The following TRIM67 variants were observed in gnomAD, a reference collection of about 807,000 sequenced individuals.
TRIM67 encodes the protein tripartite motif-containing protein 67.
Under a neutral mutation model 71.0 loss-of-function variants are expected in TRIM67, and 39 were observed. That is an observed-to-expected ratio of 0.55 (90% confidence interval 0.43 to 0.72). The LOEUF (loss-of-function observed/expected upper bound fraction) is 0.72. TRIM67 is among the 30% of genes least tolerant of loss of function. TRIM67 has a pLI of 0.00. For synonymous variants in TRIM67, 481 were observed against 473.9 expected (o/e 1.01, Z -0.19); for missense variants, 973 against 1,079.2 (o/e 0.90, Z 1.38).
rs752529398 is a variant in TRIM67, at chr1:231,163,173, G to A, written c.204G>A (p.Glu68=). ...GCGCCGCCGCCGCTGCCTCTCTGGA[G>A]CACGACGCTGCGGCTGGCCCGGCCT... The part of the protein sequence containing the change: ...QAGAAAAASL[E]HDAAAGPACG... Residue 68 remains glutamate (E), a synonymous_variant, in exon 1 of 10, where the codon GAG becomes GAA. Transcript: ENST00000366653. The A allele has an allele frequency of 6.7e-7, 1 of 1,498,220 alleles. No individual in the cohort carries two copies. The highest frequency in any genetic ancestry group is 8.9e-7 in the Non-Finnish European group (1 of 1,123,462). 92.8% of individuals were successfully genotyped at this position (1,498,220 alleles called of 1,614,324 possible). A position where few individuals can be genotyped will look rare whatever the true frequency, so the allele number is the denominator to read the frequency against.
intron 1 of TRIM67, among the ~76,000 whole-genome samples, chr1:231,176,390 G>T (rs1682750253): frequency 6.6e-6 from 1 of 152,196 alleles, no homozygotes. Context: ...GATTAGGAAG[G>T]GGAAGAGGGA....
intron 1 of TRIM67, among the ~76,000 whole-genome samples, chr1:231,169,506 G>A (rs1337034915): frequency 1.4e-5 from 2 of 146,064 alleles, no homozygotes; most frequent in South Asian, 4.4e-4. Context: ...CAGCCTCCAA[G>A]TAGCTGAAAT....
At chr1:231,198,628 C>T (rs561787020) in intron 2 of TRIM67, among the ~76,000 whole-genome samples, 6 of 152,150 alleles carry the variant, frequency 3.9e-5, no homozygotes, top group African/African-American at 7.2e-5. Flanking sequence ...TCAGGTGATC[C>T]ACCCGCCTTG....
Position 231,210,962 on chromosome 1 carries a change from G to A in TRIM67, c.2123+1712G>A, listed in dbSNP as rs548715675. On this transcript the variant is annotated intron_variant, in intron 8 of 9. Coordinates refer to ENST00000366653, the MANE Select transcript of TRIM67 (RefSeq NM_001004342.5). ...CTTGGGAGGCCGAGGCAGGAGGATC[G>A]CTTGTGCCCAGGAGTTCAAGACCAG... Among the ~76,000 whole-genome samples, 121 of 143,208 alleles carry A rather than the reference G, an allele frequency of 8.4e-4. 1 individual carries two copies. The highest frequency in any genetic ancestry group is 1.4e-3 in the Non-Finnish European group (93 of 66,622). The allele number at this position is 143,208 out of a possible 152,430, so 94.0% of individuals were successfully genotyped here.
At chr1:231,167,669 T>G (rs1481979759) in intron 1 of TRIM67, among the ~76,000 whole-genome samples, 2 of 151,958 alleles carry the variant, frequency 1.3e-5, no homozygotes, top group Admixed American at 1.3e-4. Flanking sequence ...TGCCCAGGCT[T>G]GTCTCCAACT....
At chr1:231,181,771 A>G (rs1682913641) in intron 1 of TRIM67, among the ~76,000 whole-genome samples, 2 of 152,146 alleles carry the variant, frequency 1.3e-5, no homozygotes, top group African/African-American at 2.4e-5. Flanking sequence ...CTCCTGGAAT[A>G]GGGCCCACTA....
Position 231,169,181 on chromosome 1 carries a change from G to T in TRIM67, c.1044+5168G>T, listed in dbSNP as rs182123378. Among the ~76,000 whole-genome samples, 3 of 152,050 alleles carry T rather than the reference G, an allele frequency of 2.0e-5. No homozygotes were observed. The East Asian group carries it at 5.8e-4, about 29-fold the overall frequency. ...AAGTGATTCTGCCTCAGCCTCCCGAGTAGCTGGGATTACAGGCATGTGCCA... is the reference window on the plus strand; with the variant it reads ...AAGTGATTCTGCCTCAGCCTCCCGATTAGCTGGGATTACAGGCATGTGCCA... On this transcript the variant is annotated intron_variant, in intron 1 of 9. Transcript: ENST00000366653.
chr1:231,215,272 T>G, intron 9 of TRIM67, 103 bp from the exon 10 acceptor site: 1 of 1,489,990 alleles, frequency 6.7e-7, no homozygotes, highest in Non-Finnish European at 9.0e-7. Context: ...TGGATGGCCC[T>G]GGAGCCAGCA....
rs930703987 is a variant in TRIM67 at position 231,184,997 on chromosome 1, C to T, written c.1045-12374C>T. 54 of 1,531,304 alleles carry T rather than the reference C, an allele frequency of 3.5e-5. 2 individuals carry two copies. Among genetic ancestry groups the T allele is most frequent in the African/African-American group, 1.9e-4 (14 of 72,384 alleles). 94.9% of individuals were successfully genotyped at this position (1,531,304 alleles called of 1,614,324 possible). On this transcript the variant is annotated intron_variant, in intron 1 of 9. Coordinates refer to ENST00000366653, the MANE Select transcript of TRIM67 (RefSeq NM_001004342.5). ...CCAGCAGTGCTCCTGAATGGGTGGCCGGCAGGTTGGGGAGGGTCAGCTTAT... is the reference window on the plus strand; with the variant it reads ...CCAGCAGTGCTCCTGAATGGGTGGCTGGCAGGTTGGGGAGGGTCAGCTTAT...
intron 4 of TRIM67, 115 bp downstream of exon 4, chr1:231,200,373 C>T: frequency 3.0e-6 from 2 of 670,274 alleles, no homozygotes; most frequent in Non-Finnish European, 2.7e-6. Context: ...GTAGATTCTC[C>T]TTTGTTCAAT....
At chr1:231,199,828 C>T (rs969976203) in intron 3 of TRIM67, among the ~76,000 whole-genome samples, 4 of 152,242 alleles carry the variant, frequency 2.6e-5, no homozygotes, top group Non-Finnish European at 4.4e-5. Flanking sequence ...ACTGAGCGGT[C>T]GGAAGCCAGC....
In TRIM67 at chr1:231,215,623, G is replaced by T. The variant is rs1277335880; in HGVS notation, c.*183G>T. On this transcript the variant is annotated 3_prime_UTR_variant, in exon 10 of 10. Coordinates refer to ENST00000366653, the MANE Select transcript of TRIM67 (RefSeq NM_001004342.5). ...CGCAGGGAATGGGTCCACGGGCCAT[G>T]CTCACAGCTGCCACTGTCAGTGGCA... The T allele has an allele frequency of 7.4e-7, 1 of 1,359,360 alleles. No individual in the cohort carries two copies. The highest frequency in any genetic ancestry group is 9.5e-7 in the Non-Finnish European group (1 of 1,053,866). The allele number at this position is 1,359,360 out of a possible 1,614,324, so 84.2% of individuals were successfully genotyped here.
rs144427046 is a variant in TRIM67 at position 231,206,554 on chromosome 1, A to G, written c.1681-98A>G. On this transcript the variant is annotated intron_variant, in intron 6 of 9. Transcript: ENST00000366653. ...TGAGTAGCTGGGACTACACCTGGCA[A>G]CAGCACTTTTAATGTCAATGTGTTT... is the stretch of plus-strand genomic sequence containing the variant. The G allele has an allele frequency of 1.0e-4, 129 of 1,295,306 alleles. No individual in the cohort carries two copies. The African/African-American group carries it at 1.7e-3, about 17-fold the overall frequency. The allele number at this position is 1,295,306 out of a possible 1,614,324, so 80.2% of individuals were successfully genotyped here.
intron 1 of TRIM67, among the ~76,000 whole-genome samples, chr1:231,189,770 G>T (rs1683186272): frequency 6.6e-6 from 1 of 151,956 alleles, no homozygotes; most frequent in African/African-American, 2.4e-5. Context: ...ACCTCCCAAA[G>T]TCCCCACTGC....
intron 1 of TRIM67, among the ~76,000 whole-genome samples, chr1:231,183,941 A>G (rs774347731): frequency 6.6e-6 from 1 of 152,144 alleles, no homozygotes; most frequent in Non-Finnish European, 1.5e-5. Flanking sequence ...GAAGCAGCAT[A>G]TACAGGAATG....
chr1:231,171,485 C>T (rs533994720), intron 1 of TRIM67, among the ~76,000 whole-genome samples: 1 of 152,152 alleles, frequency 6.6e-6, no homozygotes, highest in African/African-American at 2.4e-5. Flanking sequence ...ATGCTTTATC[C>T]ACTCTTTAGC....
At chr1:231,214,042 A>C in intron 9 of TRIM67, 65 bp downstream of exon 9, 1 of 1,504,836 alleles carries the variant, frequency 6.6e-7, no homozygotes, top group Non-Finnish European at 8.9e-7. Flanking sequence ...AGGTCTCTGC[A>C]GTGCCCTTGG....
chr1:231,215,276 G>A, intron 9 of TRIM67, 99 bp from the exon 10 acceptor site: 2 of 1,494,522 alleles, frequency 1.3e-6, no homozygotes, highest in East Asian at 2.5e-5. Context: ...TGGCCCTGGA[G>A]CCAGCAGGGG....
chr1:231,169,709 T>C (rs1249438145), intron 1 of TRIM67, among the ~76,000 whole-genome samples: 1 of 152,040 alleles, frequency 6.6e-6, no homozygotes, highest in Non-Finnish European at 1.5e-5. Context: ...GTTGAATCTT[T>C]TACCAACTCT....
Sources: gnomAD v4.1 joint callset for allele counts (sites outside exome capture counted in the v4.1 genomes callset) on GRCh38, gnomAD v4.1.1 for gene constraint, MANE v1.5 for transcripts, NCBI Gene and HGNC (gene_info 2026-07-23, HGNC 2026-07-21) for gene names.